CD164L2: variants seen among roughly 807,000 people sequenced by gnomAD.
The protein encoded by CD164L2 is CD164 sialomucin-like 2 protein.
CD164L2 carries 21 observed loss-of-function variants against 23.9 expected under a neutral mutation model. The observed-to-expected ratio is 0.88, with a 90% CI of 0.62 to 1.27. CD164L2 has a LOEUF of 1.27. Among genes scored for constraint, CD164L2 ranks in the 50% most tolerant of loss-of-function variants. The pLI is 0.00. For synonymous variants in CD164L2, 92 were observed against 90.2 expected (o/e 1.02, Z -0.11); for missense variants, 230 against 224.8 (o/e 1.02, Z -0.15).
chr1:27,382,481 G>A lies in CD164L2; in HGVS notation c.256+19C>T. On this transcript the variant is annotated intron_variant, in intron 2 of 5. Coordinates refer to ENST00000374030, the MANE Select transcript of CD164L2 (RefSeq NM_001330448.1). ...TCAGAGCTGGGGGCACTCAATCTGG[G>A]GAGGGCTCAGCTCCATACCTGGCTC... 1.3e-6 allele frequency: 2 copies of A among 1,590,388 alleles called. No homozygotes were observed. Among genetic ancestry groups the A allele is most frequent in the Non-Finnish European group, 1.7e-6 (2 of 1,164,588 alleles).
intron 5 of CD164L2, 145 bp downstream of exon 5, chr1:27,379,906 G>A: frequency 6.6e-7 from 1 of 1,513,718 alleles, no homozygotes; most frequent in South Asian, 1.3e-5. Context: ...AGACAAAAGG[G>A]GTGTGGCTCA....
chr1:27,379,628 C>G, intron 5 of CD164L2, 119 bp from the exon 6 acceptor site: 1 of 1,542,002 alleles, frequency 6.5e-7, no homozygotes, highest in Non-Finnish European at 8.8e-7. Flanking sequence ...CTGTGGCGAC[C>G]CGCCCCACAG....
Position 27,382,552 on chromosome 1 carries a change from TCC to T in CD164L2, c.202_203del (p.Gly68SerfsTer25). 6.2e-7 allele frequency: 1 copy of T among 1,613,750 alleles called. No individual in the cohort carries two copies. The highest frequency in any genetic ancestry group is 8.5e-7 in the Non-Finnish European group (1 of 1,179,904). ...EVCEHCVEGD[G>X]ARNLSSCVWE... Reference sequence around the variant, plus strand: ...ACACGCAGCTGGAGAGATTGCGCGCTCCGTCTCCCTCCACGCAGTGCTCACAG... The same window carrying T: ...ACACGCAGCTGGAGAGATTGCGCGCTGTCTCCCTCCACGCAGTGCTCACAG... On this transcript the variant is annotated frameshift_variant, in exon 2 of 6. Transcript: ENST00000374030. LOFTEE classifies it high-confidence loss of function.
In CD164L2 at chr1:27,383,140, G is replaced by A; in HGVS notation, c.88+12C>T. 6.5e-7 allele frequency: 1 copy of A among 1,544,940 alleles called. No individual in the cohort carries two copies. The highest frequency in any genetic ancestry group is 2.4e-5 in the East Asian group (1 of 40,882). On this transcript the variant is annotated intron_variant, in intron 1 of 5. Coordinates refer to ENST00000374030, the MANE Select transcript of CD164L2 (RefSeq NM_001330448.1). ...CCCGTCGAGCCCCTAGCCAGACCCT[G>A]CCGCGAGTTACCAGCCACAGCCAGC...
intron 5 of CD164L2, 58 bp downstream of exon 5, chr1:27,379,993 G>A: frequency 6.3e-7 from 1 of 1,595,508 alleles, no homozygotes; most frequent in Non-Finnish European, 8.5e-7. Context: ...GGGAACGGTG[G>A]GGCAGGAACC....
intron 5 of CD164L2, 149 bp from the exon 6 acceptor site, chr1:27,379,658 G>T (rs2148076360): frequency 1.3e-6 from 2 of 1,514,898 alleles, no homozygotes; most frequent in East Asian, 4.9e-5. Context: ...CACACAGAGG[G>T]CCTCAGGCAC....
chr1:27,382,494 C>T lies in CD164L2; in HGVS notation c.256+6G>A. On this transcript the variant is annotated splice_donor_region_variant and intron_variant, in intron 2 of 5. Transcript: ENST00000374030. ...CACTCAATCTGGGGAGGGCTCAGCTCCATACCTGGCTCCTCTGGCCGGCAC... is the reference window on the plus strand; with the variant it reads ...CACTCAATCTGGGGAGGGCTCAGCTTCATACCTGGCTCCTCTGGCCGGCAC... 6.3e-7 allele frequency: 1 copy of T among 1,599,190 alleles called. No individual in the cohort carries two copies. The highest frequency in any genetic ancestry group is 1.7e-4 in the Middle Eastern group (1 of 5,976).
chr1:27,380,186 G>T lies in CD164L2; in HGVS notation c.383C>A (p.Pro128Gln), dbSNP rs1242050077. The change falls in exon 5 of 6, where the codon CCA becomes CAA. Residue 128 changes from proline (P) to glutamine (Q), a missense_variant. Coordinates refer to ENST00000374030, the MANE Select transcript of CD164L2 (RefSeq NM_001330448.1). ...TCCAGGGCTGTGGGCCTCAGGGACT[G>T]GGGGGCTCCCTGCAGGGGTGAGGCA... ...EPKTVTTGSPPVPEAHSPGFD... is the reference protein window; with the variant it reads ...EPKTVTTGSPQVPEAHSPGFD... The T allele has an allele frequency of 3.7e-6, 6 of 1,613,902 alleles. No homozygotes were observed. Among genetic ancestry groups the T allele is most frequent in the Non-Finnish European group, 5.1e-6 (6 of 1,179,908 alleles).
chr1:27,383,271 T>C lies in CD164L2; in HGVS notation c.-32A>G. The C allele has an allele frequency of 7.9e-7, 1 of 1,265,014 alleles. No individual in the cohort carries two copies. Among genetic ancestry groups the C allele is most frequent in the Admixed American group, 2.0e-5 (1 of 49,890 alleles). 78.4% of individuals were successfully genotyped at this position (1,265,014 alleles called of 1,614,324 possible). A position where few individuals can be genotyped will look rare whatever the true frequency, so the allele number is the denominator to read the frequency against. On this transcript the variant is annotated 5_prime_UTR_variant, in exon 1 of 6. Coordinates refer to ENST00000374030, the MANE Select transcript of CD164L2 (RefSeq NM_001330448.1). ...GCGGGGTGGGGGTGGCCGGGGGCGGTGGCCGGGATCGGTGGACAGCTGCCG... is the reference window on the plus strand; with the variant it reads ...GCGGGGTGGGGGTGGCCGGGGGCGGCGGCCGGGATCGGTGGACAGCTGCCG...
chr1:27,381,967 A>T, intron 3 of CD164L2, 143 bp from the exon 4 acceptor site: 1 of 1,367,182 alleles, frequency 7.3e-7, no homozygotes, highest in Non-Finnish European at 1.0e-6. Flanking sequence ...TGCAAGCCCC[A>T]CACAGTTCCC....
chr1:27,380,219 G>A (rs370414726), intron 4 of CD164L2, 24 bp from the exon 5 acceptor site: 7 of 1,604,084 alleles, frequency 4.4e-6, no homozygotes, highest in Admixed American at 3.4e-5. Context: ...GCAGGGCAGG[G>A]GTCATAGCAG....
intron 5 of CD164L2, 189 bp downstream of exon 5, chr1:27,379,862 C>A: frequency 6.7e-7 from 1 of 1,494,420 alleles, no homozygotes; most frequent in Non-Finnish European, 8.8e-7. Context: ...TGGTCCCAGC[C>A]AACATCTGAC....
intron 4 of CD164L2, 131 bp from the exon 5 acceptor site, chr1:27,380,326 GT>G: frequency 1.3e-6 from 1 of 786,930 alleles, no homozygotes; most frequent in Non-Finnish European, 2.0e-6. Context: ...CCTGGGCTCC[GT>G]TTAGTCCAGA....
At chr1:27,379,888 A>G in intron 5 of CD164L2, 163 bp downstream of exon 5, 1 of 1,505,756 alleles carries the variant, frequency 6.6e-7, no homozygotes, top group African/African-American at 1.4e-5. Flanking sequence ...AAACACCCCA[A>G]CTGGAGGAGA....
At position 27,379,421 on chromosome 1, in the gene CD164L2, C is replaced by T; in HGVS notation, c.*82G>A. ...CGGCCAGAGTTTTTCCCGCCCCCGCCCCCCGCTTACCCACAAGGGTGCCCA... is the reference window on the plus strand; with the variant it reads ...CGGCCAGAGTTTTTCCCGCCCCCGCTCCCCGCTTACCCACAAGGGTGCCCA... On this transcript the variant is annotated 3_prime_UTR_variant, in exon 6 of 6. Coordinates refer to ENST00000374030, the MANE Select transcript of CD164L2 (RefSeq NM_001330448.1). 5 of 1,095,352 alleles carry T rather than the reference C, an allele frequency of 4.6e-6. No homozygotes were observed. The South Asian group carries it at 6.7e-5, about 15-fold the overall frequency. 67.9% of individuals were successfully genotyped at this position (1,095,352 alleles called of 1,614,324 possible).
In CD164L2 at chr1:27,383,320, T is replaced by C. The variant is rs768272008; in HGVS notation, c.-81A>G. On this transcript the variant is annotated 5_prime_UTR_variant, in exon 1 of 6. Coordinates refer to ENST00000374030, the MANE Select transcript of CD164L2 (RefSeq NM_001330448.1). ...CGGGCGCGTCCCTCCCAGACTGGGCTCGGCTGAGCGTGTGCGGAGCGAGAC... is the reference window on the plus strand; with the variant it reads ...CGGGCGCGTCCCTCCCAGACTGGGCCCGGCTGAGCGTGTGCGGAGCGAGAC... The C allele has an allele frequency of 4.1e-5, 38 of 922,392 alleles. No homozygotes were observed. Among genetic ancestry groups the C allele is most frequent in the Non-Finnish European group, 5.9e-5 (36 of 612,546 alleles). The allele number at this position is 922,392 out of a possible 1,614,324, so 57.1% of individuals were successfully genotyped here. A position where few individuals can be genotyped will look rare whatever the true frequency, so the allele number is the denominator to read the frequency against.
intron 4 of CD164L2, among the ~76,000 whole-genome samples, chr1:27,380,410 G>T (rs1226717589): frequency 6.6e-6 from 1 of 152,152 alleles, no homozygotes. Flanking sequence ...TCCAGCCCTG[G>T]CTCTGCTCCT....
chr1:27,383,142 C>G lies in CD164L2; in HGVS notation c.88+10G>C. ...CGTCGAGCCCCTAGCCAGACCCTGC[C>G]GCGAGTTACCAGCCACAGCCAGCTG... is the stretch of plus-strand genomic sequence containing the variant. On this transcript the variant is annotated intron_variant, in intron 1 of 5. Transcript: ENST00000374030. 6.5e-7 allele frequency: 1 copy of G among 1,546,456 alleles called. No individual in the cohort carries two copies. The highest frequency in any genetic ancestry group is 8.7e-7 in the Non-Finnish European group (1 of 1,144,772).
chr1:27,379,615 A>G (rs1250055059), intron 5 of CD164L2, 106 bp from the exon 6 acceptor site: 1 of 1,545,490 alleles, frequency 6.5e-7, no homozygotes, highest in East Asian at 2.5e-5. Context: ...ACTTTAACAC[A>G]GGCTGTGGCG....
Sources: allele counts gnomAD v4.1 joint callset (sites outside exome capture counted in the v4.1 genomes callset), GRCh38; gene constraint gnomAD v4.1.1; transcripts MANE v1.5; gene names NCBI Gene and HGNC (gene_info 2026-07-23, HGNC 2026-07-21).